The following BCKDHB variants were observed in gnomAD, a reference collection of about 807,000 sequenced individuals.
BCKDHB encodes 2-oxoisovalerate dehydrogenase subunit beta, mitochondrial.
Under a neutral mutation model 48.5 loss-of-function variants are expected in BCKDHB, and 41 were observed. The ratio of observed to expected loss-of-function variants is 0.85; its 90% CI spans 0.66 to 1.10. The LOEUF is 1.10. Among genes scored for constraint, BCKDHB ranks in the 50% least tolerant of loss-of-function variants. BCKDHB has a pLI of 0.00. For missense variants in BCKDHB, 496 were observed against 494.2 expected (o/e 1.00, Z -0.03); for synonymous variants, 201 against 174.8 (o/e 1.15, Z -1.18).
intron 8 of BCKDHB, among the ~76,000 whole-genome samples, chr6:80,239,584 T>G (rs1343684429): frequency 1.3e-5 from 2 of 152,220 alleles, no homozygotes; most frequent in Non-Finnish European, 2.9e-5. Flanking sequence ...TCTCCTTTGC[T>G]GTGCAGAAGC....
chr6:80,280,535 T>C (rs1158082406), intron 9 of BCKDHB, among the ~76,000 whole-genome samples: 1 of 152,158 alleles, frequency 6.6e-6, no homozygotes, highest in African/African-American at 2.4e-5. Context: ...AATAGAAACC[T>C]AATAATATGG....
chr6:80,392,470 A>G, the BCKDHB span, among the ~76,000 whole-genome samples: 8 of 151,280 alleles, frequency 5.3e-5, no homozygotes, highest in South Asian at 1.0e-3. Flanking sequence ...TTTTCATCCC[A>G]TTGTACCTTT....
chr6:80,376,266 A>G, the BCKDHB span, among the ~76,000 whole-genome samples: 2 of 152,012 alleles, frequency 1.3e-5, no homozygotes, highest in African/African-American at 4.8e-5. Flanking sequence ...ACTTCATCGC[A>G]CAGGTTGCCA....
chr6:80,130,785 G>C (rs139298260), intron 3 of BCKDHB, among the ~76,000 whole-genome samples: 3 of 152,232 alleles, frequency 2.0e-5, no homozygotes, highest in Admixed American at 6.5e-5. Context: ...TATACTTCTA[G>C]ACTGTATTTG....
the BCKDHB span, among the ~76,000 whole-genome samples, chr6:80,427,650 C>G: frequency 5.9e-5 from 9 of 152,126 alleles, no homozygotes; most frequent in East Asian, 5.8e-4. Flanking sequence ...ACAATAAATT[C>G]TTTTCAGCTT....
intron 7 of BCKDHB, among the ~76,000 whole-genome samples, chr6:80,202,499 T>C (rs1052384137): frequency 1.3e-5 from 2 of 152,196 alleles, no homozygotes; most frequent in Admixed American, 1.3e-4. Flanking sequence ...CTGTGAGTTC[T>C]ATTCCCACTA....
chr6:80,138,617 A>C (rs1383500045), intron 3 of BCKDHB, among the ~76,000 whole-genome samples: 2 of 152,180 alleles, frequency 1.3e-5, no homozygotes, highest in African/African-American at 4.8e-5. Flanking sequence ...TACAAAGGAC[A>C]TGAACTCATC....
chr6:80,254,836 T>C (rs925866162), intron 8 of BCKDHB, among the ~76,000 whole-genome samples: 9 of 152,208 alleles, frequency 5.9e-5, no homozygotes, highest in Admixed American at 2.0e-4. Flanking sequence ...AACAACTCTG[T>C]TGACAGCTTG....
chr6:80,394,368 TTAAAA>T, the BCKDHB span, among the ~76,000 whole-genome samples: 1 of 152,188 alleles, frequency 6.6e-6, no homozygotes, highest in Non-Finnish European at 1.5e-5. Flanking sequence ...AATATATCTA[TTAAAA>T]TAGAGTTCTA....
the BCKDHB span, among the ~76,000 whole-genome samples, chr6:80,397,755 G>T: frequency 1.3e-5 from 2 of 151,926 alleles, no homozygotes; most frequent in Non-Finnish European, 1.5e-5. Flanking sequence ...GGTGGCGTGT[G>T]CCTAGTCCCA....
intron 8 of BCKDHB, among the ~76,000 whole-genome samples, chr6:80,208,905 T>C (rs942534355): frequency 1.1e-4 from 16 of 151,886 alleles, no homozygotes; most frequent in African/African-American, 3.9e-4. Context: ...AAATTCTTTT[T>C]ATAAGGCCAG....
At chr6:80,256,284 G>A (rs932055621) in intron 8 of BCKDHB, among the ~76,000 whole-genome samples, 4 of 152,126 alleles carry the variant, frequency 2.6e-5, no homozygotes, top group Admixed American at 2.6e-4. Context: ...ATTACAGAGT[G>A]TACTTACATG....
chr6:80,337,883 G>A (rs1769679622), intron 9 of BCKDHB, among the ~76,000 whole-genome samples: 1 of 152,100 alleles, frequency 6.6e-6, no homozygotes, highest in South Asian at 2.1e-4. Context: ...ATGTTTCTTA[G>A]TACAATGTCC....
intron 6 of BCKDHB, among the ~76,000 whole-genome samples, chr6:80,175,204 G>GGGA (rs1023507537): frequency 2.0e-5 from 3 of 152,092 alleles, no homozygotes; most frequent in African/African-American, 7.2e-5. Flanking sequence ...CTACCAGGAA[G>GGGA]GGAGGAGGAG....
At chr6:80,292,748 T>C (rs1039475043) in intron 9 of BCKDHB, among the ~76,000 whole-genome samples, 1 of 152,148 alleles carries the variant, frequency 6.6e-6, no homozygotes, top group Admixed American at 6.5e-5. Context: ...CCCTTACACC[T>C]GTGAGCCTGT....
chr6:80,426,479 G>A, the BCKDHB span, among the ~76,000 whole-genome samples: 1 of 151,998 alleles, frequency 6.6e-6, no homozygotes, highest in Non-Finnish European at 1.5e-5. Flanking sequence ...TTTCCTGTAA[G>A]CACTGCTTTA....
rs561035025 is a variant in BCKDHB at position 80,139,621 on chromosome 6, T to C, written c.343+10392T>C. ...CAAAGATCAGATAGTTGTAGATATG[T>C]GGCATTATTTCTGAGGGCTCTGTTC... On this transcript the variant is annotated intron_variant, in intron 3 of 9. Coordinates refer to ENST00000320393, the MANE Select transcript of BCKDHB (RefSeq NM_183050.4). 4.6e-3 allele frequency among the ~76,000 whole-genome samples: 696 copies of C among 151,748 alleles called. 6 individuals are homozygous for C. Among genetic ancestry groups the C allele is most frequent in the Non-Finnish European group, 7.0e-3 (477 of 67,944 alleles).
intron 8 of BCKDHB, among the ~76,000 whole-genome samples, chr6:80,243,314 C>T (rs1178299304): frequency 6.6e-6 from 1 of 152,086 alleles, no homozygotes; most frequent in Non-Finnish European, 1.5e-5. Context: ...GTAGGAGAGT[C>T]CCAATCAGGG....
At chr6:80,304,239 T>G (rs2127992634) in intron 9 of BCKDHB, among the ~76,000 whole-genome samples, 1 of 152,244 alleles carries the variant, frequency 6.6e-6, no homozygotes, top group Admixed American at 6.5e-5. Flanking sequence ...TTGGCAGATC[T>G]GGGTCATTGT....
Sources: gnomAD v4.1 joint callset for allele counts (sites outside exome capture counted in the v4.1 genomes callset) on GRCh38, gnomAD v4.1.1 for gene constraint, MANE v1.5 for transcripts, NCBI Gene and HGNC (gene_info 2026-07-23, HGNC 2026-07-21) for gene names.